Variants in SEMA5A observed in about 807,000 individuals in gnomAD.
The protein encoded by SEMA5A is semaphorin 5A.
A neutral mutation model predicts 135.5 loss-of-function variants in SEMA5A; 55 were observed. The ratio of observed to expected loss-of-function variants is 0.41; its 90% confidence interval spans 0.33 to 0.51. The LOEUF (loss-of-function observed/expected upper bound fraction) is 0.51. Among genes scored for constraint, SEMA5A ranks in the 20% least tolerant of loss-of-function variants. The pLI is 0.37. For synonymous variants in SEMA5A, 580 were observed against 546.5 expected, an observed-to-expected ratio of 1.06 and a Z score of -0.85; for missense variants, 1,290 against 1,419.9, an observed-to-expected ratio of 0.91 and a Z score of 1.47.
At chr5:9,430,501 T>C (rs1479838335) in intron 2 of SEMA5A, among the ~76,000 whole-genome samples, 1 of 152,144 alleles carries the variant, frequency 6.6e-6, no homozygotes, top group Non-Finnish European at 1.5e-5. Context: ...CTGAACCTTA[T>C]GGGACTCCAG....
rs186736258 is a variant in SEMA5A, at chr5:9,299,990, C to T, written c.270+18382G>A. Among the ~76,000 whole-genome samples, 11 of 152,092 alleles carry T rather than the reference C, an allele frequency of 7.2e-5. No individual in the cohort carries two copies. The East Asian group carries it at 1.2e-3, about 16-fold the overall frequency. ...CAGTACTGAAATGACATCCAAAACA[C>T]GAACAAAAAGAAAACTGAAATTCTG... On this transcript the variant is annotated intron_variant, in intron 5 of 22. Coordinates refer to ENST00000382496, the MANE Select transcript of SEMA5A (RefSeq NM_003966.3).
At chr5:9,471,388 T>TTTCTGTATTCTAATTGTA (rs1212561082) in intron 1 of SEMA5A, among the ~76,000 whole-genome samples, 1 of 152,072 alleles carries the variant, frequency 6.6e-6, no homozygotes, top group Non-Finnish European at 1.5e-5. Context: ...CTTCCAGAGG[T>TTTCTGTATTCTAATTGTA]TTCTGTATTC....
chr5:9,356,609 T>C (rs1754460470), intron 3 of SEMA5A, among the ~76,000 whole-genome samples: 5 of 152,168 alleles, frequency 3.3e-5, no homozygotes, highest in Admixed American at 3.3e-4. Context: ...GGAGCCCGTG[T>C]GGTGTGTGAG....
rs544186204 is a variant in SEMA5A, at chr5:9,207,712, C to T, written c.647-5472G>A. On this transcript the variant is annotated intron_variant, in intron 8 of 22. Transcript: ENST00000382496. Reference sequence around the variant, plus strand: ...GTAGATAAAACTGCTGTAGAAGCTTCCAGGGCAAATCTATTTTTATCTAGA... The same window carrying T: ...GTAGATAAAACTGCTGTAGAAGCTTTCAGGGCAAATCTATTTTTATCTAGA... 3.3e-5 allele frequency among the ~76,000 whole-genome samples: 5 copies of T among 152,106 alleles called. No individual in the cohort carries two copies. In the South Asian group the frequency reaches 1.0e-3, roughly 32 times the overall value.
rs534565082 is a variant in SEMA5A at position 9,289,860 on chromosome 5, T to C, written c.270+28512A>G. Among the ~76,000 whole-genome samples, 18 of 152,284 alleles carry C rather than the reference T, an allele frequency of 1.2e-4. No individual in the cohort carries two copies. The East Asian group carries it at 3.1e-3, about 26-fold the overall frequency. On this transcript the variant is annotated intron_variant, in intron 5 of 22. Transcript: ENST00000382496. ...ATTAAAAAATGAGCTTAAAGTCCAC[T>C]GAAACTTCCCTTTTGGGAGTTTTAA...
chr5:9,092,032 C>T (rs1174070629), intron 16 of SEMA5A, among the ~76,000 whole-genome samples: 1 of 152,190 alleles, frequency 6.6e-6, no homozygotes, highest in Non-Finnish European at 1.5e-5. Context: ...TACTTTCTAT[C>T]AGGCATCTGT....
At chr5:9,481,045 A>G (rs538914351) in intron 1 of SEMA5A, among the ~76,000 whole-genome samples, 180 of 152,220 alleles carry the variant, frequency 1.2e-3, no homozygotes, top group African/African-American at 4.2e-3. Flanking sequence ...ACCCAAGTTC[A>G]AGCGATTCTC....
chr5:9,460,344 GAACAA>G lies in SEMA5A; in HGVS notation c.-174-22497_-174-22493del, dbSNP rs564067895. ...TAAATATAGACTTTAAAAATACGTA[GAACAA>G]AACAGTTTTAACAAAACAGAAAATA... On this transcript the variant is annotated intron_variant, in intron 1 of 22. Transcript: ENST00000382496. Among the ~76,000 whole-genome samples the G allele has an allele frequency of 2.4e-3, 363 of 151,028 alleles. 2 individuals carry two copies. Among genetic ancestry groups the G allele is most frequent in the Middle Eastern group, 3.5e-3 (1 of 284 alleles).
At chr5:9,307,114 G>A (rs1561129969) in intron 5 of SEMA5A, among the ~76,000 whole-genome samples, 1 of 152,104 alleles carries the variant, frequency 6.6e-6, no homozygotes, top group Non-Finnish European at 1.5e-5. Context: ...ATTGAAAGTA[G>A]AATTGAATTT....
chr5:9,295,229 T>C (rs1001790149), intron 5 of SEMA5A, among the ~76,000 whole-genome samples: 3 of 152,192 alleles, frequency 2.0e-5, no homozygotes, highest in African/African-American at 7.2e-5. Context: ...ATTTCCATTA[T>C]TAAAAGTCCA....
At chr5:9,526,626 C>T (rs568166121) in intron 1 of SEMA5A, among the ~76,000 whole-genome samples, 3 of 152,312 alleles carry the variant, frequency 2.0e-5, no homozygotes, top group South Asian at 4.1e-4. Context: ...AGCCCTTGAG[C>T]CATCAGCAAC....
At chr5:9,488,002 C>A (rs183911209) in intron 1 of SEMA5A, among the ~76,000 whole-genome samples, 1 of 152,196 alleles carries the variant, frequency 6.6e-6, no homozygotes, top group East Asian at 1.9e-4. Context: ...CAAAATTTTT[C>A]TATCCTTTTT....
intron 5 of SEMA5A, among the ~76,000 whole-genome samples, chr5:9,309,370 G>C (rs915896511): frequency 1.3e-5 from 2 of 152,140 alleles, no homozygotes; most frequent in African/African-American, 4.8e-5. Context: ...CACAGACTAG[G>C]AGAAAATGCT....
rs1340180776 is a variant in SEMA5A at position 9,037,031 on chromosome 5, C to T, written c.*5866G>A. The T allele has an allele frequency of 6.6e-6, 1 of 152,128 alleles. No homozygotes were observed. Among genetic ancestry groups the T allele is most frequent in the Non-Finnish European group, 1.5e-5 (1 of 68,032 alleles). 9.4% of individuals were successfully genotyped at this position (152,128 alleles called of 1,614,324 possible). ...ATTTGGAATATTTGGCATTAAATTG[C>T]CAAAAGGCTGAGAAAGAACAAGATC... On this transcript the variant is annotated 3_prime_UTR_variant, in exon 23 of 23. Transcript: ENST00000382496.
intron 11 of SEMA5A, among the ~76,000 whole-genome samples, chr5:9,166,414 C>T (rs1363069319): frequency 2.0e-5 from 3 of 152,156 alleles, no homozygotes; most frequent in East Asian, 1.9e-4. Context: ...CTCACAGGGT[C>T]GGCGGCCACT....
chr5:9,482,151 T>C (rs775719279), intron 1 of SEMA5A, among the ~76,000 whole-genome samples: 1 of 152,208 alleles, frequency 6.6e-6, no homozygotes, highest in Non-Finnish European at 1.5e-5. Flanking sequence ...CAGAGTGGGA[T>C]GCCCGTGAAT....
chr5:9,239,953 C>A (rs1188507204), intron 5 of SEMA5A, among the ~76,000 whole-genome samples: 1 of 152,008 alleles, frequency 6.6e-6, no homozygotes, highest in African/African-American at 2.4e-5. Flanking sequence ...TTGTTCAGAT[C>A]CTGCGGCTGA....
At chr5:9,314,225 A>G (rs146618233) in intron 5 of SEMA5A, among the ~76,000 whole-genome samples, 3 of 152,268 alleles carry the variant, frequency 2.0e-5, no homozygotes, top group African/African-American at 7.2e-5. Context: ...TTGAAAGCAC[A>G]CAAGTCAAAC....
chr5:9,178,106 T>C (rs532124121), intron 11 of SEMA5A, among the ~76,000 whole-genome samples: 13 of 152,180 alleles, frequency 8.5e-5, no homozygotes, highest in Middle Eastern at 3.2e-3. Flanking sequence ...AAATGCTTCT[T>C]ATGGAGAAAA....
Sources: gnomAD v4.1 joint callset for allele counts (sites outside exome capture counted in the v4.1 genomes callset) on GRCh38, gnomAD v4.1.1 for gene constraint, MANE v1.5 for transcripts, NCBI Gene and HGNC (gene_info 2026-07-23, HGNC 2026-07-21) for gene names.